The following GLYR1 variants were observed in gnomAD, a reference collection of about 807,000 sequenced individuals.
GLYR1 encodes the protein cytokine-like nuclear factor N-PAC.
In GLYR1, 21 loss-of-function variants were observed where a neutral mutation model predicts 72.7. The ratio of observed to expected loss-of-function variants is 0.29; its 90% CI spans 0.20 to 0.42. The LOEUF (loss-of-function observed/expected upper bound fraction) is 0.42, where lower values mean the gene tolerates loss of function less well. Ranked by LOEUF, GLYR1 falls within the 10% of genes least tolerant of loss-of-function variation. The pLI, the probability that GLYR1 is intolerant of heterozygous loss-of-function variation, is 1.00. For synonymous variants in GLYR1, 392 were observed against 270.2 expected (o/e 1.45, Z -4.42); for missense variants, 594 against 712.1 (o/e 0.83, Z 1.89).
rs1348972909 is a variant in GLYR1 at position 4,832,023 on chromosome 16, C to T, written c.493G>A (p.Glu165Lys). ...CGACCCCGCTTCCGGGGACTTTGCT[C>T]TTGGGCTCTTTTCAGAGGGGATTTG... ...GSKSPLKRAQEQSPRKRGRPP... is the reference protein window; with the variant it reads ...GSKSPLKRAQKQSPRKRGRPP... Residue 165 changes from glutamate to lysine, a missense_variant, in exon 5 of 16, where the codon GAG becomes AAG. Glu to Lys is a moderately conservative substitution (Grantham distance 56). Around this residue, in one of 5 missense-constraint regions of GLYR1, gnomAD observed 252 missense variants for 211.3 expected, o/e 1.19. Transcript: ENST00000321919. The T allele has an allele frequency of 6.2e-7, 1 of 1,614,206 alleles. No homozygotes were observed. The highest frequency in any genetic ancestry group is 1.7e-5 in the Admixed American group (1 of 60,018).
intron 9 of GLYR1, among the ~76,000 whole-genome samples, chr16:4,820,050 T>C (rs568507372): frequency 1.3e-5 from 2 of 152,210 alleles, no homozygotes; most frequent in East Asian, 1.9e-4. Context: ...CAGGCTGGAG[T>C]GCAGTGGTGC....
chr16:4,835,293 T>G (rs1165708281), intron 3 of GLYR1, among the ~76,000 whole-genome samples: 1 of 152,122 alleles, frequency 6.6e-6, no homozygotes, highest in Non-Finnish European at 1.5e-5. Flanking sequence ...TCAACCCCAT[T>G]TTTTGTTGAA....
chr16:4,805,439 C>A, intron 15 of GLYR1, 129 bp from the exon 16 acceptor site: 1 of 736,012 alleles, frequency 1.4e-6, no homozygotes, highest in Non-Finnish European at 2.4e-6. Flanking sequence ...GGTTAGGAAT[C>A]CTGTGTTGAC....
chr16:4,805,406 C>CA, intron 15 of GLYR1, 96 bp from the exon 16 acceptor site: 2 of 1,028,628 alleles, frequency 1.9e-6, no homozygotes, highest in South Asian at 2.7e-5. Flanking sequence ...GGCCAGCAGG[C>CA]AGTGCTGGAG....
chr16:4,812,208 A>C lies in GLYR1; in HGVS notation c.1160T>G (p.Val387Gly). Residue 387 changes from valine (V) to glycine (G), a missense_variant, in exon 13 of 16, where the codon GTC becomes GGC. Around this residue, in one of 5 missense-constraint regions of GLYR1, gnomAD observed 266 missense variants for 358.4 expected, o/e 0.74. Transcript: ENST00000321919. ...ATTAGACAGCTGCTGATTCCCTGAG[A>C]CGGGGGCTTCCAGAAAGCGCCCCCC... ...SRGGRFLEAP[V>G]SGNQQLSNDG... is the part of the protein sequence containing the mutation. The C allele has an allele frequency of 6.2e-7, 1 of 1,614,056 alleles. No individual in the cohort carries two copies. The highest frequency in any genetic ancestry group is 8.5e-7 in the Non-Finnish European group (1 of 1,180,016).
chr16:4,818,464 G>A (rs2083793418), intron 9 of GLYR1, among the ~76,000 whole-genome samples: 1 of 151,840 alleles, frequency 6.6e-6, no homozygotes, highest in Non-Finnish European at 1.5e-5. Context: ...CTAATTTTTT[G>A]TGGAGATGGG....
At chr16:4,808,740 T>A (rs1476338756) in intron 15 of GLYR1, among the ~76,000 whole-genome samples, 2 of 152,200 alleles carry the variant, frequency 1.3e-5, no homozygotes. Flanking sequence ...AGTTGTTTTT[T>A]TTTTAGATTC....
At chr16:4,822,140 G>A (rs1181944649) in intron 7 of GLYR1, among the ~76,000 whole-genome samples, 1 of 152,246 alleles carries the variant, frequency 6.6e-6, no homozygotes, top group Non-Finnish European at 1.5e-5. Flanking sequence ...AGGCTGGAGT[G>A]CAGTGGCACC....
rs190684173 is a variant in GLYR1 at position 4,827,640 on chromosome 16, C to A, written c.538-3733G>T. ...AACGGGCCAGGCACGGTGGCTCACG[C>A]CTGTCATCCCAGCACTTTGGGAGGC... is the stretch of plus-strand genomic sequence containing the variant. On this transcript the variant is annotated intron_variant, in intron 5 of 15. Coordinates refer to ENST00000321919, the MANE Select transcript of GLYR1 (RefSeq NM_032569.4). Among the ~76,000 whole-genome samples the A allele has an allele frequency of 1.2e-3, 176 of 152,188 alleles. 1 individual carries two copies. The highest frequency in any genetic ancestry group is 1.6e-3 in the Admixed American group (25 of 15,284).
chr16:4,824,277 G>A (rs1158398247), intron 5 of GLYR1, among the ~76,000 whole-genome samples: 2 of 152,024 alleles, frequency 1.3e-5, no homozygotes, highest in Non-Finnish European at 2.9e-5. Flanking sequence ...CACTTTGGGA[G>A]GCCGAGGCAG....
intron 9 of GLYR1, among the ~76,000 whole-genome samples, chr16:4,818,968 C>G (rs950005855): frequency 1.3e-5 from 2 of 152,318 alleles, no homozygotes; most frequent in East Asian, 3.9e-4. Flanking sequence ...CCGCCTGCTC[C>G]TTCCTGCAAC....
At chr16:4,836,813 G>GA (rs111581519) in intron 3 of GLYR1, among the ~76,000 whole-genome samples, 1,510 of 118,824 alleles carry the variant, frequency 0.013, 11 homozygotes, top group South Asian at 0.042. Flanking sequence ...TATTATATTG[G>GA]AAAAAAAAAA....
intron 5 of GLYR1, among the ~76,000 whole-genome samples, chr16:4,831,205 C>T (rs930664844): frequency 6.6e-6 from 1 of 152,156 alleles, no homozygotes; most frequent in African/African-American, 2.4e-5. Context: ...GTGCCTCTCA[C>T]CTCTTTGCTT....
At chr16:4,844,238 G>A (rs1172804209) in intron 3 of GLYR1, among the ~76,000 whole-genome samples, 1 of 151,948 alleles carries the variant, frequency 6.6e-6, no homozygotes, top group African/African-American at 2.4e-5. Context: ...CGTTCTTCCC[G>A]TCACTGTAAC....
At position 4,821,367 on chromosome 16, in the gene GLYR1, T is replaced by G. The variant is rs751971693; in HGVS notation, c.806+13A>C. On this transcript the variant is annotated intron_variant, in intron 9 of 15. Transcript: ENST00000321919. ...ACCAGAGCCACTGGAGGCCTTTTCA[T>G]CAAAGGTCCTACTTTTTGTCTGTGG... is the stretch of plus-strand genomic sequence containing the variant. The G allele has an allele frequency of 6.2e-7, 1 of 1,612,438 alleles. No homozygotes were observed. The highest frequency in any genetic ancestry group is 8.5e-7 in the Non-Finnish European group (1 of 1,179,936).
chr16:4,812,963 ATTTTTTT>A (rs777147624), intron 12 of GLYR1, among the ~76,000 whole-genome samples: 1 of 98,462 alleles, frequency 1.0e-5, no homozygotes, highest in Non-Finnish European at 2.2e-5. Flanking sequence ...TGCCTGGCTA[ATTTTTTT>A]TTTTTTTTTT....
intron 13 of GLYR1, 53 bp from the exon 14 acceptor site, chr16:4,811,855 T>G: frequency 6.4e-7 from 1 of 1,565,510 alleles, no homozygotes; most frequent in Non-Finnish European, 8.7e-7. Context: ...CAGACAGGGC[T>G]TCTCTGTCCA....
intron 9 of GLYR1, among the ~76,000 whole-genome samples, chr16:4,819,009 G>C (rs2141978427): frequency 6.6e-6 from 1 of 152,240 alleles, no homozygotes; most frequent in Admixed American, 6.5e-5. Context: ...TGCCACTGCT[G>C]CTATTTCAAC....
intron 1 of GLYR1, chr16:4,846,633 T>C (rs2086107944): frequency 7.8e-6 from 2 of 257,088 alleles, no homozygotes; most frequent in African/African-American, 4.4e-5. Flanking sequence ...GGCGACAAAG[T>C]CTTGGTTCGG....
Sources: gnomAD v4.1 joint callset for allele counts (sites outside exome capture counted in the v4.1 genomes callset) on GRCh38, gnomAD v4.1.1 for gene constraint, gnomAD v4.1.1 regional missense constraint, MANE v1.5 for transcripts, NCBI Gene and HGNC (gene_info 2026-07-23, HGNC 2026-07-21) for gene names.